The following AP3B1 variants were observed in gnomAD, a reference collection of about 807,000 sequenced individuals.
The protein encoded by AP3B1 is AP-3 complex subunit beta-1.
In AP3B1, 61 loss-of-function variants were observed where a neutral mutation model predicts 132.5. That is an observed-to-expected ratio of 0.46 (90% CI 0.37 to 0.57). The LOEUF (loss-of-function observed/expected upper bound fraction) is 0.57. Among genes scored for constraint, AP3B1 ranks in the 20% least tolerant of loss-of-function variants. AP3B1 has a pLI of 0.00. For synonymous variants in AP3B1, 388 were observed against 438.3 expected (o/e 0.89, Z 1.43); for missense variants, 1,120 against 1,289.4 (o/e 0.87, Z 2.01).
At position 78,129,214 on chromosome 5, in the gene AP3B1, C is replaced by A. The variant is rs199766336; in HGVS notation, c.1744G>T (p.Val582Phe). The A allele has an allele frequency of 1.9e-6, 3 of 1,612,984 alleles. No individual in the cohort carries two copies. The highest frequency in any genetic ancestry group is 2.5e-6 in the Non-Finnish European group (3 of 1,179,138). ...DRTRFIRQLI[V>F]PNVKSGALSK... ...AAAGCTCCACTCTTTACATTCGGAA[C>A]AATAAGCTGCCTAATAAATCTTGTA... Residue 582 changes from valine (V) to phenylalanine (F), a missense_variant, in exon 16 of 27, where the codon GTT becomes TTT. Transcript: ENST00000255194.
chr5:78,180,562 G>C (rs1744323013), intron 8 of AP3B1, among the ~76,000 whole-genome samples: 1 of 151,908 alleles, frequency 6.6e-6, no homozygotes, highest in African/African-American at 2.4e-5. Context: ...CAATGCATTA[G>C]ATAATGGTTT....
chr5:78,018,700 A>C (rs564912548), intron 25 of AP3B1, among the ~76,000 whole-genome samples: 93 of 148,724 alleles, frequency 6.3e-4, no homozygotes, highest in Middle Eastern at 3.5e-3. Context: ...ACACACACAC[A>C]CCCCTTAAAT....
In AP3B1 at chr5:78,216,045, C is replaced by T; in HGVS notation, c.786+10G>A. On this transcript the variant is annotated intron_variant, in intron 7 of 26. Coordinates refer to ENST00000255194, the MANE Select transcript of AP3B1 (RefSeq NM_003664.5). Reference sequence around the variant, plus strand: ...GTATACTTGAAAGTGGAAGACTGTTCAACACTTACCTCTTTCCAAGGGCTG... The same window carrying T: ...GTATACTTGAAAGTGGAAGACTGTTTAACACTTACCTCTTTCCAAGGGCTG... 1 of 1,613,768 alleles carries T rather than the reference C, an allele frequency of 6.2e-7. No homozygotes were observed. The highest frequency in any genetic ancestry group is 8.5e-7 in the Non-Finnish European group (1 of 1,179,728).
At chr5:78,144,010 AAAAAG>A (rs1753272978) in intron 14 of AP3B1, among the ~76,000 whole-genome samples, 1 of 152,170 alleles carries the variant, frequency 6.6e-6, no homozygotes, top group African/African-American at 2.4e-5. Context: ...GTCTCAAAAA[AAAAAG>A]AAAAGTAAAT....
At chr5:78,279,907 A>AATATATATATACGACTTAAAT (rs1748975179) in intron 1 of AP3B1, among the ~76,000 whole-genome samples, 1 of 114,376 alleles carries the variant, frequency 8.7e-6, no homozygotes, top group African/African-American at 3.2e-5. Flanking sequence ...ATATGACTTA[A>AATATATATATACGACTTAAAT]ATATATATAT....
At chr5:78,028,979 A>G (rs1169229620) in intron 24 of AP3B1, among the ~76,000 whole-genome samples, 1 of 152,010 alleles carries the variant, frequency 6.6e-6, no homozygotes, top group Non-Finnish European at 1.5e-5. Context: ...CTTTAATCAT[A>G]TTATCCCATA....
At chr5:78,093,514 C>CT (rs1202262848) in intron 21 of AP3B1, among the ~76,000 whole-genome samples, 1 of 152,098 alleles carries the variant, frequency 6.6e-6, no homozygotes, top group Admixed American at 6.5e-5. Flanking sequence ...TTATTTTCTT[C>CT]TTTTTATTTT....
At chr5:78,283,533 C>T (rs1360040949) in intron 1 of AP3B1, among the ~76,000 whole-genome samples, 1 of 152,170 alleles carries the variant, frequency 6.6e-6, no homozygotes, top group Non-Finnish European at 1.5e-5. Context: ...GCCTTCTCTT[C>T]ACATGCCGCA....
At chr5:78,231,162 G>GT (rs924365215) in intron 3 of AP3B1, among the ~76,000 whole-genome samples, 1 of 151,888 alleles carries the variant, frequency 6.6e-6, no homozygotes, top group African/African-American at 2.4e-5. Context: ...CTTGAAAAAG[G>GT]TTTTTTGTTT....
chr5:78,210,488 A>C (rs1038378847), intron 7 of AP3B1, among the ~76,000 whole-genome samples: 1 of 152,234 alleles, frequency 6.6e-6, no homozygotes, highest in Non-Finnish European at 1.5e-5. Flanking sequence ...AGGTTTTATA[A>C]TTGATGTACA....
intron 23 of AP3B1, among the ~76,000 whole-genome samples, chr5:78,037,816 A>G (rs894632665): frequency 3.3e-5 from 5 of 152,222 alleles, no homozygotes; most frequent in Admixed American, 3.3e-4. Context: ...TAAACCTTTT[A>G]TTACTTTTAA....
chr5:78,292,310 C>T (rs146956855), intron 1 of AP3B1, among the ~76,000 whole-genome samples: 208 of 152,244 alleles, frequency 1.4e-3, no homozygotes, highest in Non-Finnish European at 1.8e-3. Flanking sequence ...CTGTACAATT[C>T]CATTAGACTG....
chr5:78,151,155 G>C (rs1235351029), intron 14 of AP3B1, among the ~76,000 whole-genome samples: 1 of 152,174 alleles, frequency 6.6e-6, no homozygotes, highest in East Asian at 1.9e-4. Context: ...CTGACCTCAG[G>C]TGATCCACCC....
intron 15 of AP3B1, among the ~76,000 whole-genome samples, chr5:78,134,979 T>C (rs1252165625): frequency 6.6e-6 from 1 of 152,228 alleles, no homozygotes; most frequent in African/African-American, 2.4e-5. Context: ...TTATATTTAC[T>C]TGAGTTTTTC....
intron 2 of AP3B1, among the ~76,000 whole-genome samples, chr5:78,249,275 G>A (rs1290582926): frequency 6.6e-6 from 1 of 152,132 alleles, no homozygotes; most frequent in African/African-American, 2.4e-5. Context: ...ACTGAAGCAG[G>A]AGAAGCTTGA....
chr5:78,166,782 T>C (rs1389068907), intron 11 of AP3B1, among the ~76,000 whole-genome samples: 1 of 152,136 alleles, frequency 6.6e-6, no homozygotes. Flanking sequence ...GCCAGGATAA[T>C]TGGCAAGCCA....
At position 78,165,700 on chromosome 5, in the gene AP3B1, A is replaced by G. The variant is rs747684195; in HGVS notation, c.1168-28T>C. The G allele has an allele frequency of 2.7e-6, 4 of 1,459,170 alleles. No homozygotes were observed. The East Asian group carries it at 6.8e-5, about 25-fold the overall frequency. The allele number at this position is 1,459,170 out of a possible 1,614,324, so 90.4% of individuals were successfully genotyped here. On this transcript the variant is annotated intron_variant, in intron 11 of 26. Coordinates refer to ENST00000255194, the MANE Select transcript of AP3B1 (RefSeq NM_003664.5). ...ATAGTAGAGAAAAGAGAAAGTAAAC[A>G]TTTTAAAACAAAGGTAGCAAGATGA...
At chr5:78,039,396 T>A in intron 22 of AP3B1, 122 bp from the exon 23 acceptor site, 1 of 756,426 alleles carries the variant, frequency 1.3e-6, no homozygotes, top group East Asian at 2.7e-5. Context: ...TGAACTACAA[T>A]AACAAACATT....
intron 13 of AP3B1, among the ~76,000 whole-genome samples, chr5:78,158,858 A>T (rs1743271165): frequency 6.6e-6 from 1 of 152,038 alleles, no homozygotes; most frequent in African/African-American, 2.4e-5. Flanking sequence ...CACCACGCCC[A>T]GCTAATTTTT....
Sources: allele counts gnomAD v4.1 joint callset (sites outside exome capture counted in the v4.1 genomes callset), GRCh38; gene constraint gnomAD v4.1.1; transcripts MANE v1.5; gene names NCBI Gene and HGNC (gene_info 2026-07-23, HGNC 2026-07-21).